The following ELMO1 variants were observed in gnomAD, a reference collection of about 807,000 sequenced individuals.
ELMO1 encodes engulfment and cell motility 1.
A neutral mutation model predicts 98.9 loss-of-function variants in ELMO1; 26 were observed. The observed-to-expected ratio is 0.26, with a 90% CI of 0.19 to 0.36. The LOEUF (loss-of-function observed/expected upper bound fraction) is 0.36, where lower values mean the gene tolerates loss of function less well. Among genes scored for constraint, ELMO1 ranks in the 10% least tolerant of loss-of-function variants. The pLI is 1.00. For synonymous variants in ELMO1, 346 were observed against 346.0 expected (o/e 1.00, Z 0.00); for missense variants, 627 against 935.2 (o/e 0.67, Z 4.30).
At chr7:37,406,883 C>A (rs974056303) in intron 1 of ELMO1, among the ~76,000 whole-genome samples, 2 of 151,952 alleles carry the variant, frequency 1.3e-5, no homozygotes, top group African/African-American at 4.8e-5. Flanking sequence ...AGATAGATAC[C>A]CACATTCACT....
chr7:37,224,124 C>G (rs956816519), intron 9 of ELMO1, among the ~76,000 whole-genome samples: 2 of 152,186 alleles, frequency 1.3e-5, no homozygotes, highest in Non-Finnish European at 2.9e-5. Flanking sequence ...ACAAAGTACC[C>G]CAGTATTGTT....
chr7:37,410,183 T>C (rs1036208720), intron 1 of ELMO1, among the ~76,000 whole-genome samples: 10 of 152,346 alleles, frequency 6.6e-5, no homozygotes, highest in African/African-American at 2.4e-4. Context: ...GCAGGATTAT[T>C]TTATGTAATT....
At chr7:37,162,509 A>C (rs1450575836) in intron 13 of ELMO1, among the ~76,000 whole-genome samples, 1 of 152,196 alleles carries the variant, frequency 6.6e-6, no homozygotes, top group Non-Finnish European at 1.5e-5. Context: ...ATGCATTTTC[A>C]TCTCTGCAGA....
chr7:37,240,043 TC>T (rs1363747031), intron 7 of ELMO1, among the ~76,000 whole-genome samples: 1 of 124,762 alleles, frequency 8.0e-6, no homozygotes, highest in Non-Finnish European at 1.7e-5. Context: ...TTTTTTTTTT[TC>T]TTTTTTTTTT....
At chr7:37,219,962 A>G (rs1047857158) in intron 10 of ELMO1, among the ~76,000 whole-genome samples, 2 of 152,248 alleles carry the variant, frequency 1.3e-5, no homozygotes, top group Non-Finnish European at 2.9e-5. Flanking sequence ...ATACGCCAAT[A>G]ACAATGCCAA....
intron 1 of ELMO1, among the ~76,000 whole-genome samples, chr7:37,417,880 A>G (rs73120731): frequency 0.13 from 19,244 of 152,142 alleles, 1,311 homozygotes; most frequent in South Asian, 0.22. Flanking sequence ...AAACAGACAC[A>G]CAAGAAGGCA....
chr7:37,025,481 G>A (rs184665036), intron 15 of ELMO1, among the ~76,000 whole-genome samples: 1 of 152,294 alleles, frequency 6.6e-6, no homozygotes, highest in Admixed American at 6.5e-5. Flanking sequence ...ATCTGAATAA[G>A]TGGACTCAAT....
intron 16 of ELMO1, among the ~76,000 whole-genome samples, chr7:36,976,481 A>C (rs909037757): frequency 6.6e-5 from 10 of 152,202 alleles, no homozygotes. Flanking sequence ...AATTAAAACG[A>C]GACTTTATTA....
chr7:37,205,409 T>C (rs144977322), intron 13 of ELMO1, among the ~76,000 whole-genome samples: 4 of 152,356 alleles, frequency 2.6e-5, no homozygotes, highest in African/African-American at 7.2e-5. Flanking sequence ...ATGTTGTTGA[T>C]TTGTTAACAA....
chr7:37,185,458 CA>C (rs1791139031), intron 13 of ELMO1, among the ~76,000 whole-genome samples: 1 of 152,040 alleles, frequency 6.6e-6, no homozygotes, highest in Non-Finnish European at 1.5e-5. Flanking sequence ...GAGTTCCAAA[CA>C]AAGGTCCACT....
At chr7:36,950,768 C>G in intron 16 of ELMO1, among the ~76,000 whole-genome samples, 1 of 152,158 alleles carries the variant, frequency 6.6e-6, no homozygotes, top group Non-Finnish European at 1.5e-5. Context: ...CATGAGGGCT[C>G]AGGGGTCTGG....
At chr7:37,064,584 CA>C (rs2129217709) in intron 15 of ELMO1, among the ~76,000 whole-genome samples, 1 of 152,330 alleles carries the variant, frequency 6.6e-6, no homozygotes, top group East Asian at 1.9e-4. Flanking sequence ...GCCTGCAGAA[CA>C]GTGTTTGGCA....
At chr7:37,251,814 T>C (rs1028751805) in intron 6 of ELMO1, among the ~76,000 whole-genome samples, 1 of 152,200 alleles carries the variant, frequency 6.6e-6, no homozygotes, top group Non-Finnish European at 1.5e-5. Context: ...GATGACATGA[T>C]TGTATAATTA....
Position 37,197,438 on chromosome 7 carries a change from G to A in ELMO1, c.1086+13948C>T, listed in dbSNP as rs992776873. 9.8e-5 allele frequency among the ~76,000 whole-genome samples: 15 copies of A among 152,316 alleles called. No homozygotes were observed. In the South Asian group the frequency reaches 1.2e-3, roughly 13 times the overall value. The stretch of plus-strand genomic sequence containing the variant: ...CGGCAGACGTGAAACAGACATGTCC[G>A]AGTCTGGACGTCGTGCTCACACCTC... On this transcript the variant is annotated intron_variant, in intron 13 of 21. Transcript: ENST00000310758.
intron 4 of ELMO1, among the ~76,000 whole-genome samples, chr7:37,277,699 T>C (rs536258398): frequency 1.4e-4 from 21 of 152,302 alleles, no homozygotes; most frequent in African/African-American, 4.8e-4. Context: ...ACAAGGGTCA[T>C]GTGGCCCGCT....
chr7:37,159,285 A>G (rs1387362504), intron 13 of ELMO1, among the ~76,000 whole-genome samples: 1 of 152,260 alleles, frequency 6.6e-6, no homozygotes, highest in African/African-American at 2.4e-5. Flanking sequence ...CATGTACCCT[A>G]CAACTTAAAG....
At chr7:37,004,652 T>G (rs138080103) in intron 16 of ELMO1, among the ~76,000 whole-genome samples, 1 of 152,218 alleles carries the variant, frequency 6.6e-6, no homozygotes, top group African/African-American at 2.4e-5. Context: ...TATTTACTAC[T>G]GTCAGGCTTA....
At chr7:37,204,921 A>G (rs1190435745) in intron 13 of ELMO1, among the ~76,000 whole-genome samples, 1 of 152,024 alleles carries the variant, frequency 6.6e-6, no homozygotes, top group Non-Finnish European at 1.5e-5. Flanking sequence ...GCTAGGCAGA[A>G]AAGTTCTCCA....
chr7:37,216,707 A>G lies in ELMO1; in HGVS notation c.781-12T>C, dbSNP rs758540369. ...ATATTCGCCATCTCCTGTGGAAGAA[A>G]AACACACCCACACAAAGGCTTAGGT... On this transcript the variant is annotated splice_polypyrimidine_tract_variant and intron_variant, in intron 10 of 21. Coordinates refer to ENST00000310758, the MANE Select transcript of ELMO1 (RefSeq NM_014800.11). 1.1e-5 allele frequency: 18 copies of G among 1,614,024 alleles called. No individual in the cohort carries two copies. The highest frequency in any genetic ancestry group is 2.7e-5 in the African/African-American group (2 of 74,940).
Sources: gnomAD v4.1 joint callset for allele counts (sites outside exome capture counted in the v4.1 genomes callset) on GRCh38, gnomAD v4.1.1 for gene constraint, MANE v1.5 for transcripts, NCBI Gene and HGNC (gene_info 2026-07-23, HGNC 2026-07-21) for gene names.